Variants in SLC3A1 observed in about 807,000 individuals in gnomAD.
SLC3A1 encodes solute carrier family 3 member 1.
In SLC3A1, 78 loss-of-function variants were observed where a neutral mutation model predicts 60.3. That is an observed-to-expected ratio of 1.29 (90% CI 1.08 to 1.56). The LOEUF (loss-of-function observed/expected upper bound fraction) is 1.56, where lower values mean the gene tolerates loss of function less well. Ranked by LOEUF, SLC3A1 falls within the 40% of genes most tolerant of loss-of-function variation. The pLI is 0.00. For missense variants in SLC3A1, 1,172 were observed against 858.9 expected (o/e 1.36, Z -4.56); for synonymous variants, 392 against 307.9 (o/e 1.27, Z -2.86).
chr2:44,300,571 A>G (rs1448820250), intron 5 of SLC3A1, among the ~76,000 whole-genome samples: 1 of 152,230 alleles, frequency 6.6e-6, no homozygotes, highest in African/African-American at 2.4e-5. Context: ...CCGAGAAAGT[A>G]TAACAGTTAG....
rs774275237 is a variant in SLC3A1, at chr2:44,301,061, T to A, written c.1070T>A (p.Met357Lys). 1 of 1,614,160 alleles carries A rather than the reference T, an allele frequency of 6.2e-7. No homozygotes were observed. The highest frequency in any genetic ancestry group is 1.3e-5 in the African/African-American group (1 of 75,060). Residue 357 changes from methionine to lysine, a missense_variant, in exon 6 of 10, where the codon ATG (methionine) becomes AAG (lysine). Transcript: ENST00000260649. ...YHDFTTTQVG[M>K]HDIVRSFRQT... ...GACTTCACCACCACGCAGGTGGGAA[T>A]GCACGACATTGTCCGCAGCTTCCGG...
chr2:44,302,437 C>T (rs183676239), intron 6 of SLC3A1, among the ~76,000 whole-genome samples: 1 of 152,298 alleles, frequency 6.6e-6, no homozygotes, highest in East Asian at 1.9e-4. Flanking sequence ...AATTTCATCT[C>T]CTTAAAGTAG....
chr2:44,284,227 C>A (rs1426528914), intron 3 of SLC3A1, among the ~76,000 whole-genome samples: 1 of 152,030 alleles, frequency 6.6e-6, no homozygotes, highest in African/African-American at 2.4e-5. Context: ...CTACAGGCAC[C>A]CATCACCATG....
intron 1 of SLC3A1, among the ~76,000 whole-genome samples, chr2:44,278,982 A>G (rs920460057): frequency 4.0e-5 from 6 of 151,696 alleles, no homozygotes; most frequent in African/African-American, 1.2e-4. Context: ...TGATGCATTT[A>G]CTTATTTATT....
At chr2:44,301,738 CAA>C (rs10657360) in intron 6 of SLC3A1, among the ~76,000 whole-genome samples, 8 of 93,470 alleles carry the variant, frequency 8.6e-5, no homozygotes, top group Admixed American at 2.7e-4. Context: ...GACTCCATCA[CAA>C]AAAAAAAAAA....
intron 1 of SLC3A1, among the ~76,000 whole-genome samples, chr2:44,276,595 G>A (rs988688363): frequency 5.3e-5 from 8 of 150,778 alleles, no homozygotes; most frequent in East Asian, 1.9e-4. Context: ...GGGTAGTGGC[G>A]CATGACTGTA....
intron 4 of SLC3A1, among the ~76,000 whole-genome samples, chr2:44,299,290 C>G: frequency 6.6e-6 from 1 of 152,294 alleles, no homozygotes; most frequent in Middle Eastern, 3.4e-3. Context: ...CCGCCTGCCT[C>G]GGCCTCCCAG....
chr2:44,304,452 T>A, intron 7 of SLC3A1, 114 bp downstream of exon 7: 1 of 846,068 alleles, frequency 1.2e-6, no homozygotes, highest in Non-Finnish European at 2.0e-6. Flanking sequence ...CTGCCTTATT[T>A]GGTGATTGTT....
intron 1 of SLC3A1, among the ~76,000 whole-genome samples, chr2:44,277,974 TC>T (rs1189730081): frequency 5.9e-5 from 9 of 152,274 alleles, no homozygotes; most frequent in African/African-American, 1.9e-4. Context: ...TGGGGTGGGA[TC>T]CCTTGTTTAC....
At position 44,283,601 on chromosome 2, in the gene SLC3A1, A is replaced by T. The variant is rs996441506; in HGVS notation, c.765+2060A>T. 1.8e-4 allele frequency among the ~76,000 whole-genome samples: 27 copies of T among 152,298 alleles called. 1 individual carries two copies. Among genetic ancestry groups the T allele is most frequent in the African/African-American group, 5.8e-4 (24 of 41,550 alleles). ...CTTTTAAAAATTGCTGCCATACTCA[A>T]ACTATATCATTTCTTGCTTATAGAA... On this transcript the variant is annotated intron_variant, in intron 3 of 9. Transcript: ENST00000260649.
chr2:44,282,016 C>A (rs72802972), intron 3 of SLC3A1, among the ~76,000 whole-genome samples: 42 of 152,024 alleles, frequency 2.8e-4, no homozygotes, highest in Non-Finnish European at 1.0e-4. Context: ...TGATTACAGG[C>A]GCGCGTCATC....
intron 1 of SLC3A1, 76 bp downstream of exon 1, chr2:44,276,041 A>G (rs1052963060): frequency 1.5e-6 from 2 of 1,344,406 alleles, no homozygotes; most frequent in African/African-American, 2.9e-5. Flanking sequence ...TCAGAACCAA[A>G]TTATGCCTGG....
intron 9 of SLC3A1, 102 bp downstream of exon 9, chr2:44,314,053 C>A (rs570675309): frequency 6.4e-7 from 1 of 1,573,318 alleles, no homozygotes; most frequent in East Asian, 2.3e-5. Flanking sequence ...TTAACGGATA[C>A]TCTTTAAATC....
chr2:44,304,016 T>C, intron 6 of SLC3A1, 127 bp from the exon 7 acceptor site: 3 of 783,960 alleles, frequency 3.8e-6, no homozygotes, highest in Middle Eastern at 2.9e-4. Context: ...TAGAAGGTGC[T>C]AGTCCTATAT....
chr2:44,309,559 G>C (rs888763969), intron 7 of SLC3A1, among the ~76,000 whole-genome samples: 1 of 152,092 alleles, frequency 6.6e-6, no homozygotes, highest in African/African-American at 2.4e-5. Flanking sequence ...AATTCTTTTG[G>C]ATCTATACCA....
intron 9 of SLC3A1, chr2:44,317,971 G>T: frequency 3.7e-6 from 1 of 269,692 alleles, no homozygotes; most frequent in South Asian, 3.0e-5. Flanking sequence ...ATAATAGAAA[G>T]CTTGCAACCC....
chr2:44,303,982 T>C (rs948267781), intron 6 of SLC3A1, 161 bp from the exon 7 acceptor site: 6 of 705,244 alleles, frequency 8.5e-6, no homozygotes, highest in Non-Finnish European at 1.6e-5. Context: ...GTCTAACATT[T>C]GGTGACAGCT....
intron 4 of SLC3A1, among the ~76,000 whole-genome samples, chr2:44,289,596 A>T (rs1476262711): frequency 6.6e-6 from 1 of 151,658 alleles, no homozygotes; most frequent in Non-Finnish European, 1.5e-5. Context: ...GTGCCTTTTG[A>T]AGCACAAGCG....
rs1187500386 is a variant in SLC3A1, at chr2:44,307,741, T to C, written c.1332+3403T>C. Among the ~76,000 whole-genome samples, 4 of 152,332 alleles carry C rather than the reference T, an allele frequency of 2.6e-5. No homozygotes were observed. The East Asian group carries it at 7.7e-4, about 29-fold the overall frequency. On this transcript the variant is annotated intron_variant, in intron 7 of 9. Transcript: ENST00000260649. ...GTAAGAATTCCTGATATATACTGGA[T>C]AGGTGATTTGCAAGTATTTTCTCCC...
Sources: allele counts gnomAD v4.1 joint callset (sites outside exome capture counted in the v4.1 genomes callset), GRCh38; gene constraint gnomAD v4.1.1; transcripts MANE v1.5; gene names NCBI Gene and HGNC (gene_info 2026-07-23, HGNC 2026-07-21).